The following RMP24 variants were observed in gnomAD, a reference collection of about 807,000 sequenced individuals.
RMP24 encodes the protein ribonuclease MRP subunit p24.
At chr18:35,974,041 C>G in the RMP24 span, 1 of 152,348 alleles carries the variant, frequency 6.6e-6, no homozygotes, top group Non-Finnish European at 1.5e-5. Flanking sequence ...CTTCACGCAA[C>G]TCCAGTCACA....
At chr18:35,973,194 G>GC in the RMP24 span, 1 of 554,692 alleles carries the variant, frequency 1.8e-6, no homozygotes, top group Non-Finnish European at 3.2e-6. Flanking sequence ...GATTTGCTTT[G>GC]CTGGTTCCTC....
At chr18:35,972,701 C>T in the RMP24 span, 1 of 1,590,256 alleles carries the variant, frequency 6.3e-7, no homozygotes, top group Non-Finnish European at 8.5e-7. Flanking sequence ...CTGGTTCCCG[C>T]GGCGAGCCAG....
At chr18:35,978,486 C>A in the RMP24 span, among the ~76,000 whole-genome samples, 1 of 152,202 alleles carries the variant, frequency 6.6e-6, no homozygotes. Context: ...CGGCGTGCGC[C>A]TGTAGTCCCA....
At chr18:35,976,945 C>T in the RMP24 span, among the ~76,000 whole-genome samples, 8 of 152,254 alleles carry the variant, frequency 5.3e-5, no homozygotes, top group East Asian at 9.7e-4. Flanking sequence ...TAAAATTTGT[C>T]GGCTGGGCAC....
the RMP24 span, chr18:35,975,038 ACT>A: frequency 6.2e-7 from 1 of 1,614,042 alleles, no homozygotes; most frequent in Non-Finnish European, 8.5e-7. Context: ...GAAACTATAC[ACT>A]CAGTTTTAAA....
the RMP24 span, chr18:35,975,133 ATTTTC>A: frequency 5.2e-6 from 8 of 1,548,506 alleles, no homozygotes; most frequent in Non-Finnish European, 6.1e-6. Flanking sequence ...GTAAACTAGA[ATTTTC>A]TTTTCTTTCA....
At chr18:35,978,631 C>G in the RMP24 span, among the ~76,000 whole-genome samples, 2 of 152,138 alleles carry the variant, frequency 1.3e-5, no homozygotes, top group African/African-American at 4.8e-5. Context: ...AATACTGAAC[C>G]ATTCATAATA....
chr18:35,976,019 T>C, the RMP24 span, among the ~76,000 whole-genome samples: 1 of 152,138 alleles, frequency 6.6e-6, no homozygotes, highest in East Asian at 1.9e-4. Flanking sequence ...TGTTCTTAAA[T>C]GGGAAGACAG....
At chr18:35,975,527 G>A in the RMP24 span, among the ~76,000 whole-genome samples, 1 of 152,146 alleles carries the variant, frequency 6.6e-6, no homozygotes, top group African/African-American at 2.4e-5. Flanking sequence ...GGATTTACAG[G>A]TATGCCCAAC....
At chr18:35,974,988 T>C in the RMP24 span, 2 of 1,614,158 alleles carry the variant, frequency 1.2e-6, no homozygotes, top group East Asian at 4.5e-5. Flanking sequence ...CAAAGCCAGG[T>C]TGACACCCAA....
the RMP24 span, chr18:35,977,529 A>G: frequency 3.1e-6 from 5 of 1,614,222 alleles, no homozygotes; most frequent in Non-Finnish European, 4.2e-6. Context: ...TGAAGACACC[A>G]GAGAGAAGGA....
chr18:35,972,765 G>C, the RMP24 span: 62 of 1,613,726 alleles, frequency 3.8e-5, no homozygotes, highest in Non-Finnish European at 5.1e-5. Context: ...TGCAGCGCGG[G>C]GACTGCACGA....
the RMP24 span, among the ~76,000 whole-genome samples, chr18:35,975,695 C>G: frequency 6.6e-6 from 1 of 152,206 alleles, no homozygotes; most frequent in Non-Finnish European, 1.5e-5. Context: ...CACTTTATAT[C>G]CCTGCATATT....
the RMP24 span, among the ~76,000 whole-genome samples, chr18:35,978,405 G>A: frequency 1.3e-5 from 2 of 152,208 alleles, no homozygotes; most frequent in African/African-American, 2.4e-5. Flanking sequence ...CGGCTCAGGA[G>A]TTCAAGACCA....
At chr18:35,978,598 G>A in the RMP24 span, among the ~76,000 whole-genome samples, 5 of 152,098 alleles carry the variant, frequency 3.3e-5, no homozygotes, top group African/African-American at 7.2e-5. Context: ...GCGACAGAGC[G>A]AGACTCCGTC....
chr18:35,978,606 G>T, the RMP24 span, among the ~76,000 whole-genome samples: 1 of 151,748 alleles, frequency 6.6e-6, no homozygotes. Flanking sequence ...GCGAGACTCC[G>T]TCTCCAAAAA....
the RMP24 span, among the ~76,000 whole-genome samples, chr18:35,977,131 G>T: frequency 1.3e-5 from 2 of 152,200 alleles, no homozygotes; most frequent in Non-Finnish European, 2.9e-5. Context: ...GCTGAGGCAG[G>T]AGGATCACTT....
the RMP24 span, among the ~76,000 whole-genome samples, chr18:35,977,025 C>T: frequency 2.6e-5 from 4 of 152,120 alleles, no homozygotes; most frequent in African/African-American, 9.7e-5. Context: ...GTCAGGAGTT[C>T]AAGACCAGGC....
At chr18:35,978,141 A>C in the RMP24 span, among the ~76,000 whole-genome samples, 57 of 152,212 alleles carry the variant, frequency 3.7e-4, no homozygotes, top group Middle Eastern at 3.4e-3. Flanking sequence ...GATTTTCCTC[A>C]TGGGTCTCCC....
Sources: allele counts gnomAD v4.1 joint callset (sites outside exome capture counted in the v4.1 genomes callset), GRCh38; gene constraint gnomAD v4.1.1; transcripts MANE v1.5; gene names NCBI Gene and HGNC (gene_info 2026-07-23, HGNC 2026-07-21).